Variants in NUMA1 observed in about 807,000 individuals in gnomAD.
NUMA1 encodes SP-H antigen.
NUMA1 carries 62 observed loss-of-function variants against 237.1 expected under a neutral mutation model. The observed-to-expected ratio is 0.26, with a 90% CI of 0.21 to 0.32. The LOEUF (loss-of-function observed/expected upper bound fraction) is 0.32. NUMA1 is among the 10% of genes least tolerant of loss of function. The pLI is 1.00. For synonymous variants in NUMA1, 1,028 were observed against 1,066.1 expected, an observed-to-expected ratio of 0.96 and a Z score of 0.70; for missense variants, 2,533 against 2,666.5, an observed-to-expected ratio of 0.95 and a Z score of 1.10.
At chr11:72,033,084 C>G (rs1470189488) in intron 3 of NUMA1, among the ~76,000 whole-genome samples, 4 of 152,038 alleles carry the variant, frequency 2.6e-5, no homozygotes. Context: ...TTTCATGCTA[C>G]TACAGTTTCA....
intron 4 of NUMA1, among the ~76,000 whole-genome samples, chr11:72,025,770 G>A (rs1590958147): frequency 6.6e-6 from 1 of 152,254 alleles, no homozygotes; most frequent in East Asian, 1.9e-4. Context: ...GATTACACAG[G>A]CTTCTTCCAA....
chr11:72,045,636 G>A (rs748580036), intron 2 of NUMA1, among the ~76,000 whole-genome samples: 5 of 151,950 alleles, frequency 3.3e-5, no homozygotes, highest in South Asian at 2.1e-4. Flanking sequence ...ATGCCACCAC[G>A]CCTGACTAAT....
intron 20 of NUMA1, chr11:72,008,135 G>C (rs759826405): frequency 2.1e-6 from 1 of 479,230 alleles, no homozygotes; most frequent in African/African-American, 2.0e-5. Flanking sequence ...ATTGTCATGA[G>C]TGCTTTATGT....
intron 2 of NUMA1, among the ~76,000 whole-genome samples, chr11:72,054,927 A>G (rs1942555376): frequency 6.6e-6 from 1 of 152,072 alleles, no homozygotes; most frequent in South Asian, 2.1e-4. Flanking sequence ...AAGTTTGTTG[A>G]TTTACCAAGG....
Position 72,014,073 on chromosome 11 carries a change from C to G in NUMA1, c.3430G>C (p.Asp1144His). ...QQCQKQQEQA[D>H]SLERSLEAER... ...GCCTCGAGGCTGCGTTCCAGGCTGT[C>G]AGCCTGCTCCTGCTGCTTCTGGCAT... Residue 1144 changes from aspartate to histidine, a missense_variant, in exon 15 of 27, where the codon GAC (aspartate) becomes CAC (histidine). Physicochemically the swap from Asp to His is moderately conservative, Grantham distance 81. Coordinates refer to ENST00000393695, the MANE Select transcript of NUMA1 (RefSeq NM_006185.4). The surrounding 1 kb of genome is among the most constrained non-coding windows in gnomAD (Gnocchi z 4.6). 1 of 1,610,942 alleles carries G rather than the reference C, an allele frequency of 6.2e-7. No homozygotes were observed. Among genetic ancestry groups the G allele is most frequent in the Non-Finnish European group, 8.5e-7 (1 of 1,180,012 alleles).
chr11:72,017,933 C>A, intron 12 of NUMA1, 106 bp from the exon 13 acceptor site: 1 of 1,332,066 alleles, frequency 7.5e-7, no homozygotes, highest in Non-Finnish European at 1.0e-6. Flanking sequence ...ATTATCCTGC[C>A]AACCCTCTAC....
At chr11:72,051,470 G>C (rs946881451) in intron 2 of NUMA1, among the ~76,000 whole-genome samples, 1 of 90,870 alleles carries the variant, frequency 1.1e-5, no homozygotes, top group African/African-American at 4.2e-5. Context: ...GGAATTCAAA[G>C]ATTTTTTTTT....
rs554192719 is a variant in NUMA1 at position 72,048,166 on chromosome 11, C to T, written c.-32-12191G>A. Among the ~76,000 whole-genome samples the T allele has an allele frequency of 8.5e-5, 13 of 152,116 alleles. No homozygotes were observed. In the East Asian group the frequency reaches 1.2e-3, roughly 14 times the overall value. ...GGTTGGGGTGCAGTGCTGCGATCTC[C>T]GCTCACCGCAACCTCTGCCTCCCGG... On this transcript the variant is annotated intron_variant, in intron 2 of 26. Coordinates refer to ENST00000393695, the MANE Select transcript of NUMA1 (RefSeq NM_006185.4).
chr11:72,056,932 G>T (rs1415606736), intron 2 of NUMA1, among the ~76,000 whole-genome samples: 1 of 151,508 alleles, frequency 6.6e-6, no homozygotes, highest in Admixed American at 6.6e-5. Flanking sequence ...ATTGAAAATG[G>T]AACTATCCTA....
intron 2 of NUMA1, among the ~76,000 whole-genome samples, chr11:72,063,798 T>C (rs1272639043): frequency 6.6e-6 from 1 of 151,248 alleles, no homozygotes; most frequent in African/African-American, 2.4e-5. Context: ...ACACCTATAG[T>C]CCCAGCTACT....
At chr11:72,061,890 T>C (rs1243828055) in intron 2 of NUMA1, among the ~76,000 whole-genome samples, 1 of 152,102 alleles carries the variant, frequency 6.6e-6, no homozygotes, top group Admixed American at 6.6e-5. Context: ...AACTCCACTA[T>C]GTCTGCTGCT....
rs1338166484 is a variant in NUMA1 at position 72,014,188 on chromosome 11, T to G, written c.3315A>C (p.Ser1105=). The G allele has an allele frequency of 6.2e-7, 1 of 1,613,982 alleles. No individual in the cohort carries two copies. Among genetic ancestry groups the G allele is most frequent in the Non-Finnish European group, 8.5e-7 (1 of 1,180,042 alleles). ...TGCCAGCAGCCTCAGATTGGGCTCCTGAGCCAGATGCGTGCTCCTTTTCTT... is the reference window on the plus strand; with the variant it reads ...TGCCAGCAGCCTCAGATTGGGCTCCGGAGCCAGATGCGTGCTCCTTTTCTT... ...AKKEKEHASG[S]GAQSEAAGRT... Residue 1105 remains serine (S), a synonymous_variant, in exon 15 of 27, where the codon TCA becomes TCC. Coordinates refer to ENST00000393695, the MANE Select transcript of NUMA1 (RefSeq NM_006185.4). The surrounding 1 kb of genome is among the most constrained non-coding windows in gnomAD (Gnocchi z 4.6).
At position 72,004,020 on chromosome 11, in the gene NUMA1, G is replaced by C. The variant is rs1193138011; in HGVS notation, c.6203C>G (p.Ala2068Gly). 2 of 1,613,380 alleles carry C rather than the reference G, an allele frequency of 1.2e-6. No individual in the cohort carries two copies. The highest frequency in any genetic ancestry group is 8.5e-7 in the Non-Finnish European group (1 of 1,179,636). Residue 2068 changes from alanine to glycine, a missense_variant, in exon 26 of 27, where the codon GCC becomes GGC. Physicochemically the swap from Ala to Gly is moderately conservative, Grantham distance 60. Coordinates refer to ENST00000393695, the MANE Select transcript of NUMA1 (RefSeq NM_006185.4). ...KLGNSLLRRG[A>G]SKKALSKASP... ...AGCCTTGGACAGGGCCTTCTTTGAG[G>C]CTCCCCGCCGCAGAAGGCTGTTCCC... is the stretch of plus-strand genomic sequence containing the variant.
chr11:72,009,335 G>C lies in NUMA1; in HGVS notation c.4772C>G (p.Ala1591Gly), dbSNP rs199899150. 1 of 1,613,074 alleles carries C rather than the reference G, an allele frequency of 6.2e-7. No homozygotes were observed. The highest frequency in any genetic ancestry group is 1.3e-5 in the African/African-American group (1 of 75,022). Reference protein sequence around the residue: ...ESQQEAQRLQAQLNELQAQLS... With the variant: ...ESQQEAQRLQGQLNELQAQLS... ...CTGGGCTTGCAGTTCATTCAGCTGG[G>C]CCTGGAGGCGCTGGGCCTCCTGCTG... The change falls in exon 18 of 27, where the codon GCC becomes GGC. Residue 1591 changes from alanine to glycine, a missense_variant. Ala to Gly is a moderately conservative substitution (Grantham distance 60). Coordinates refer to ENST00000393695, the MANE Select transcript of NUMA1 (RefSeq NM_006185.4).
chr11:72,028,620 G>C (rs1405491479), intron 4 of NUMA1, among the ~76,000 whole-genome samples: 1 of 152,184 alleles, frequency 6.6e-6, no homozygotes, highest in East Asian at 1.9e-4. Context: ...AATCCTTGCT[G>C]CATGGTAACA....
Position 72,013,961 on chromosome 11 carries a change from C to G in NUMA1, c.3542G>C (p.Ser1181Thr). The G allele has an allele frequency of 1.2e-6, 2 of 1,613,716 alleles. No individual in the cohort carries two copies. The highest frequency in any genetic ancestry group is 1.7e-6 in the Non-Finnish European group (2 of 1,180,014). Residue 1181 changes from serine (S) to threonine (T), a missense_variant, in exon 15 of 27, where the codon AGT (serine) becomes ACT (threonine). This residue lies in a region of NUMA1 where 1,414 missense variants were observed against 1,508.1 expected (regional missense o/e 0.94). Coordinates refer to ENST00000393695, the MANE Select transcript of NUMA1 (RefSeq NM_006185.4). This position sits in a 1 kb window ranked among gnomAD's most constrained non-coding sequence, Gnocchi z 6.8. ...TTGGGCCGAGGCTAAGGCACTCTGA[C>G]TGTGCCCTAGCTCCTGGGCCTTCTC... Reference protein sequence around the residue: ...LEEKAQELGHSQSALASAQRE... With the variant: ...LEEKAQELGHTQSALASAQRE...
At chr11:72,024,390 G>A (rs777813782) in intron 4 of NUMA1, 37 bp from the exon 5 acceptor site, 13 of 1,575,776 alleles carry the variant, frequency 8.2e-6, no homozygotes, top group Non-Finnish European at 1.1e-5. Flanking sequence ...AGAGTATTCA[G>A]CAATCTTTGC....
chr11:72,004,506 G>T, intron 24 of NUMA1, 134 bp downstream of exon 24: 2 of 1,230,454 alleles, frequency 1.6e-6, no homozygotes, highest in Non-Finnish European at 2.3e-6. Context: ...TCCCATCCAT[G>T]GGTCAGGCCC....
chr11:72,047,525 A>G (rs1942071216), intron 2 of NUMA1, among the ~76,000 whole-genome samples: 1 of 152,000 alleles, frequency 6.6e-6, no homozygotes, highest in Non-Finnish European at 1.5e-5. Context: ...GTACTAGGAG[A>G]GTTCAAGTCC....
Sources: allele counts gnomAD v4.1 joint callset (sites outside exome capture counted in the v4.1 genomes callset), GRCh38; gene constraint gnomAD v4.1.1; regional missense constraint gnomAD v4.1.1; non-coding constraint Gnocchi (gnomAD v3.1); transcripts MANE v1.5; gene names NCBI Gene and HGNC (gene_info 2026-07-23, HGNC 2026-07-21).